The following TRPS1 variants were observed in gnomAD, a reference collection of about 807,000 sequenced individuals.
The protein encoded by TRPS1 is zinc finger transcription factor Trps1.
Under a neutral mutation model 101.2 loss-of-function variants are expected in TRPS1, and 6 were observed. The ratio of observed to expected loss-of-function variants is 0.06; its 90% CI spans 0.03 to 0.12. The LOEUF is 0.12. Among genes scored for constraint, TRPS1 ranks in the 10% least tolerant of loss-of-function variants. The probability of loss-of-function intolerance (pLI) is 1.00; values close to 1 mark genes in which losing one functional copy is unlikely to be tolerated. For synonymous variants in TRPS1, 578 were observed against 589.8 expected (o/e 0.98, Z 0.29); for missense variants, 1,363 against 1,567.0 (o/e 0.87, Z 2.20).
At chr8:115,615,690 G>A (rs539288997) in intron 3 of TRPS1, among the ~76,000 whole-genome samples, 1 of 152,286 alleles carries the variant, frequency 6.6e-6, no homozygotes, top group East Asian at 1.9e-4. Context: ...GAACCTGGGA[G>A]GCGGAGGTTG....
intron 1 of TRPS1, among the ~76,000 whole-genome samples, chr8:115,646,454 A>G (rs1360006357): frequency 6.6e-6 from 1 of 152,222 alleles, no homozygotes; most frequent in Non-Finnish European, 1.5e-5. Flanking sequence ...TGTATTGTAC[A>G]TATCTGGAGA....
At chr8:115,652,264 C>T (rs1391561160) in intron 1 of TRPS1, among the ~76,000 whole-genome samples, 1 of 152,104 alleles carries the variant, frequency 6.6e-6, no homozygotes, top group Non-Finnish European at 1.5e-5. Context: ...GACTTCAATA[C>T]AGCAATGTCA....
chr8:115,537,187 G>C (rs1816343998), intron 5 of TRPS1, among the ~76,000 whole-genome samples: 2 of 152,030 alleles, frequency 1.3e-5, no homozygotes, highest in African/African-American at 2.4e-5. Context: ...TTAACTACAA[G>C]TATATTCTTC....
chr8:115,591,783 T>A (rs1190574291), intron 4 of TRPS1, among the ~76,000 whole-genome samples: 1 of 152,180 alleles, frequency 6.6e-6, no homozygotes, highest in Non-Finnish European at 1.5e-5. Flanking sequence ...AAACACATTT[T>A]AACGGAAGGA....
chr8:115,557,137 C>T (rs1022894033), intron 5 of TRPS1, among the ~76,000 whole-genome samples: 7 of 152,000 alleles, frequency 4.6e-5, no homozygotes, highest in Admixed American at 6.6e-5. Context: ...CACCTGATCT[C>T]GTGAGACTTA....
At chr8:115,429,593 A>G (rs1241620913) in intron 5 of TRPS1, among the ~76,000 whole-genome samples, 1 of 152,286 alleles carries the variant, frequency 6.6e-6, no homozygotes, top group East Asian at 1.9e-4. Context: ...GAACAGTTAA[A>G]GCTGTTTCTC....
chr8:115,471,036 G>A (rs2130014968), intron 5 of TRPS1, among the ~76,000 whole-genome samples: 1 of 152,278 alleles, frequency 6.6e-6, no homozygotes, highest in South Asian at 2.1e-4. Flanking sequence ...GTGAGCCAGG[G>A]TCTAGAGCCC....
At chr8:115,645,227 ACG>A (rs367626664) in intron 1 of TRPS1, among the ~76,000 whole-genome samples, 197 of 151,920 alleles carry the variant, frequency 1.3e-3, no homozygotes, top group African/African-American at 4.5e-3. Context: ...ATATATACAC[ACG>A]CACACACATA....
At chr8:115,429,197 C>T (rs146571686) in intron 5 of TRPS1, among the ~76,000 whole-genome samples, 27 of 152,296 alleles carry the variant, frequency 1.8e-4, no homozygotes, top group African/African-American at 5.8e-4. Context: ...CTACTCCCTG[C>T]CCCGTCAAAT....
At chr8:115,637,405 T>C (rs1184762608) in intron 1 of TRPS1, 2 of 684,692 alleles carry the variant, frequency 2.9e-6, no homozygotes, top group Non-Finnish European at 1.8e-6. Context: ...AGGTAGAAAA[T>C]GAAGAAAAGT....
In TRPS1 at chr8:115,411,552, T is replaced by C. The variant is rs1250134872; in HGVS notation, c.*2471A>G. 1.3e-5 allele frequency: 2 copies of C among 152,514 alleles called. No homozygotes were observed. The highest frequency in any genetic ancestry group is 4.8e-5 in the African/African-American group (2 of 41,434). 9.4% of individuals were successfully genotyped at this position (152,514 alleles called of 1,614,324 possible). A position where few individuals can be genotyped will look rare whatever the true frequency, so the allele number is the denominator to read the frequency against. On this transcript the variant is annotated 3_prime_UTR_variant, in exon 7 of 7. Transcript: ENST00000395715. The stretch of plus-strand genomic sequence containing the variant: ...TTGTTTGGGGGAATCTCCTCTCTTT[T>C]TTAGATCTTTAATTGTCACCTCTCA...
chr8:115,587,601 T>A lies in TRPS1; in HGVS notation c.2100A>T (p.Arg700Ser), dbSNP rs1817596062. ...GACGGCATTTGTAGCAGCTGTGTGC[T>A]CTCCTGGAGAAGAAGAAAACAGTTA... ...VEEEISRHYRRAHSCYKCRQC... is the reference protein window; with the variant it reads ...VEEEISRHYRSAHSCYKCRQC... Residue 700 changes from arginine (R) to serine (S), a missense_variant, in exon 5 of 7, where the codon AGA becomes AGT. Coordinates refer to ENST00000395715, the MANE Select transcript of TRPS1 (RefSeq NM_014112.5). 1.2e-6 allele frequency: 2 copies of A among 1,614,102 alleles called. No individual in the cohort carries two copies. Among genetic ancestry groups the A allele is most frequent in the East Asian group, 4.5e-5 (2 of 44,878 alleles).
At chr8:115,583,632 A>G (rs1378367505) in intron 5 of TRPS1, among the ~76,000 whole-genome samples, 1 of 152,068 alleles carries the variant, frequency 6.6e-6, no homozygotes, top group Non-Finnish European at 1.5e-5. Flanking sequence ...AAATACTCAA[A>G]AATTTTGTAG....
chr8:115,409,272 A>AAAAAAAAAC lies in TRPS1; in HGVS notation c.*4750_*4751insGTTTTTTTT, dbSNP rs1554615608. 1.7e-3 allele frequency: 250 copies of AAAAAAAAAC among 149,284 alleles called. 2 individuals carry two copies. Among genetic ancestry groups the AAAAAAAAAC allele is most frequent in the African/African-American group, 5.3e-3 (214 of 40,556 alleles). The allele number at this position is 149,284 out of a possible 1,614,324, so 9.2% of individuals were successfully genotyped here. A position where few individuals can be genotyped will look rare whatever the true frequency, so the allele number is the denominator to read the frequency against. On this transcript the variant is annotated 3_prime_UTR_variant, in exon 7 of 7. Coordinates refer to ENST00000395715, the MANE Select transcript of TRPS1 (RefSeq NM_014112.5). ...AGTTTATATGTTGGGAAAAAAAAAA[A>AAAAAAAAAC]AAAAAAAAACAGGGGAAAACCAGAA...
chr8:115,573,580 C>G (rs1433596918), intron 5 of TRPS1, among the ~76,000 whole-genome samples: 1 of 152,130 alleles, frequency 6.6e-6, no homozygotes, highest in Non-Finnish European at 1.5e-5. Flanking sequence ...GTCTTCGTCA[C>G]CTCAACCCCG....
At chr8:115,646,145 GAAAT>G (rs1160769980) in intron 1 of TRPS1, among the ~76,000 whole-genome samples, 7 of 152,102 alleles carry the variant, frequency 4.6e-5, no homozygotes, top group African/African-American at 1.7e-4. Flanking sequence ...ATTATTTATA[GAAAT>G]AAATATTCAA....
intron 5 of TRPS1, among the ~76,000 whole-genome samples, chr8:115,512,335 G>T (rs1815606326): frequency 6.6e-6 from 1 of 151,586 alleles, no homozygotes; most frequent in Non-Finnish European, 1.5e-5. Context: ...TTTTAAAAAA[G>T]AAAATTTGCG....
chr8:115,582,005 A>C (rs1817463341), intron 5 of TRPS1, among the ~76,000 whole-genome samples: 1 of 152,156 alleles, frequency 6.6e-6, no homozygotes, highest in Non-Finnish European at 1.5e-5. Flanking sequence ...ACCTAAAGAG[A>C]AACTACCAAC....
intron 5 of TRPS1, among the ~76,000 whole-genome samples, chr8:115,479,858 C>T (rs984866219): frequency 4.6e-5 from 7 of 152,106 alleles, no homozygotes; most frequent in African/African-American, 1.7e-4. Context: ...ATTCTCTCCA[C>T]ATCATTTGAT....
Sources: gnomAD v4.1 joint callset for allele counts (sites outside exome capture counted in the v4.1 genomes callset) on GRCh38, gnomAD v4.1.1 for gene constraint, MANE v1.5 for transcripts, NCBI Gene and HGNC (gene_info 2026-07-23, HGNC 2026-07-21) for gene names.